Variants in DCHS2 observed in about 807,000 individuals in gnomAD.
DCHS2 encodes dachsous cadherin-related 2, also known as protocadherin-23.
DCHS2 carries 142 observed loss-of-function variants against 182.4 expected under a neutral mutation model. The ratio of observed to expected loss-of-function variants is 0.78; its 90% confidence interval spans 0.68 to 0.89. DCHS2 has a LOEUF of 0.89. DCHS2 is among the 40% of genes least tolerant of loss of function. The pLI is 0.00. For synonymous variants in DCHS2, 1,740 were observed against 1,663.3 expected (o/e 1.05, Z -1.12); for missense variants, 4,319 against 4,198.6 (o/e 1.03, Z -0.79).
intron 18 of DCHS2, 89 bp from the exon 19 acceptor site, chr4:154,239,391 C>G: frequency 6.4e-7 from 1 of 1,557,650 alleles, no homozygotes; most frequent in South Asian, 1.2e-5. Flanking sequence ...TCATTTTATT[C>G]ATTTTGATTA....
rs190191950 is a variant in DCHS2, at chr4:154,337,902, G to A, written c.2477-2798C>T. 1.9e-3 allele frequency among the ~76,000 whole-genome samples: 293 copies of A among 151,994 alleles called. 1 individual carries two copies. The highest frequency in any genetic ancestry group is 6.6e-3 in the African/African-American group (272 of 41,478). The stretch of plus-strand genomic sequence containing the variant: ...ATTACAGGCACGTATCACCATGCCC[G>A]GCTAATTTTTGTATCTTTAGTAGAG... On this transcript the variant is annotated intron_variant, in intron 3 of 19. Transcript: ENST00000357232.
rs202103169 is a variant in DCHS2 at position 154,235,984 on chromosome 4, G to A, written c.8668C>T (p.Pro2890Ser). Reference protein sequence around the residue: ...FTQDQYFFTLPEKNKDRQLIG... With the variant: ...FTQDQYFFTLSEKNKDRQLIG... ...AACTGTCTGTCTTTATTCTTTTCTG[G>A]GAGGGTGAAAAAATACTGATCTTGA... Residue 2890 changes from proline (P) to serine (S), a missense_variant, in exon 20 of 20, where the codon CCA becomes TCA. By Grantham distance (74) the Pro-to-Ser change is moderately conservative. Coordinates refer to ENST00000357232, the MANE Select transcript of DCHS2 (RefSeq NM_001358235.2). 6.2e-7 allele frequency: 1 copy of A among 1,613,946 alleles called. No individual in the cohort carries two copies.
chr4:154,344,526 C>A (rs1729266866), intron 3 of DCHS2, among the ~76,000 whole-genome samples: 1 of 152,142 alleles, frequency 6.6e-6, no homozygotes, highest in Admixed American at 6.6e-5. Flanking sequence ...CTGAAACCGT[C>A]CTAAGAATTT....
At chr4:154,413,214 A>G (rs1290771882) in intron 1 of DCHS2, among the ~76,000 whole-genome samples, 1 of 152,148 alleles carries the variant, frequency 6.6e-6, no homozygotes, top group Non-Finnish European at 1.5e-5. Context: ...TTCCTTTCCA[A>G]CTATTAACAA....
chr4:154,263,818 G>A (rs1414830733), intron 14 of DCHS2, among the ~76,000 whole-genome samples: 1 of 152,116 alleles, frequency 6.6e-6, no homozygotes, highest in African/African-American at 2.4e-5. Flanking sequence ...CAGATGGAAT[G>A]CAGCATCAAA....
intron 1 of DCHS2, among the ~76,000 whole-genome samples, chr4:154,463,153 A>G (rs1735086858): frequency 1.1e-5 from 1 of 90,466 alleles, no homozygotes; most frequent in African/African-American, 3.3e-5. Context: ...GTGTATATAT[A>G]TAAGTGTGTG....
intron 5 of DCHS2, chr4:154,331,710 T>C (rs1168883168): frequency 3.7e-6 from 6 of 1,612,082 alleles, no homozygotes; most frequent in Non-Finnish European, 5.1e-6. Context: ...TGGTGCCTGC[T>C]GGACCTGCAC....
chr4:154,274,737 C>T (rs1484979140), intron 13 of DCHS2, among the ~76,000 whole-genome samples: 2 of 152,102 alleles, frequency 1.3e-5, no homozygotes, highest in African/African-American at 4.8e-5. Flanking sequence ...AGAAAGGACA[C>T]TGACATTTTC....
chr4:154,235,546 A>T lies in DCHS2; in HGVS notation c.9106T>A (p.Leu3036Ile). The T allele has an allele frequency of 6.2e-7, 1 of 1,614,096 alleles. No homozygotes were observed. The highest frequency in any genetic ancestry group is 8.5e-7 in the Non-Finnish European group (1 of 1,179,962). Residue 3036 changes from leucine to isoleucine, a missense_variant, in exon 20 of 20, where the codon TTA becomes ATA. By Grantham distance (5) the Leu-to-Ile change is conservative. Transcript: ENST00000357232. ...NNYEEKKTSS[L>I]DADLRVTRDA... ...CGGGTCACTCTCAAGTCCGCATCTA[A>T]AGATGAGGTTTTCTTCTCCTCATAA...
At chr4:154,404,111 C>T (rs1341830695) in intron 1 of DCHS2, among the ~76,000 whole-genome samples, 1 of 151,962 alleles carries the variant, frequency 6.6e-6, no homozygotes, top group Non-Finnish European at 1.5e-5. Flanking sequence ...CTATTTTCTA[C>T]CTTGCTCTGT....
intron 1 of DCHS2, among the ~76,000 whole-genome samples, chr4:154,463,095 A>G (rs1735080160): frequency 6.6e-6 from 1 of 151,736 alleles, no homozygotes; most frequent in African/African-American, 2.4e-5. Flanking sequence ...AAGTAGGTGT[A>G]TACATATGTA....
At chr4:154,257,164 C>CT (rs1732725618) in intron 15 of DCHS2, among the ~76,000 whole-genome samples, 2 of 152,146 alleles carry the variant, frequency 1.3e-5, no homozygotes, top group Admixed American at 1.3e-4. Flanking sequence ...AGGAGAATTG[C>CT]TTGTACCTGG....
intron 2 of DCHS2, among the ~76,000 whole-genome samples, chr4:154,372,444 C>A (rs1002826231): frequency 1.3e-5 from 2 of 152,144 alleles, no homozygotes; most frequent in African/African-American, 4.8e-5. Flanking sequence ...GAGCTCAGTC[C>A]GTTTACTTCC....
intron 5 of DCHS2, chr4:154,331,797 C>T (rs1736541245): frequency 6.9e-7 from 1 of 1,445,742 alleles, no homozygotes; most frequent in African/African-American, 1.4e-5. Context: ...TTTCAGTTTT[C>T]CCGGGTATGT....
rs1260126318 is a variant in DCHS2 at position 154,265,416 on chromosome 4, TAAGTC to T, written c.6577+4479_6577+4483del. Reference sequence around the variant, plus strand: ...CGTAGCATGATTCTATTATCATACTTAAGTCAAGGTAAAAGTAAATGACATATTGT... The same window carrying T: ...CGTAGCATGATTCTATTATCATACTTAAGGTAAAAGTAAATGACATATTGT... On this transcript the variant is annotated intron_variant, in intron 14 of 19. Coordinates refer to ENST00000357232, the MANE Select transcript of DCHS2 (RefSeq NM_001358235.2). Among the ~76,000 whole-genome samples the T allele has an allele frequency of 5.9e-5, 9 of 152,166 alleles. No homozygotes were observed. In the East Asian group the frequency reaches 1.5e-3, roughly 26 times the overall value.
At position 154,236,982 on chromosome 4, in the gene DCHS2, C is replaced by G. The variant is rs781146709; in HGVS notation, c.7670G>C (p.Ser2557Thr). The change falls in exon 20 of 20, where the codon AGC (serine) becomes ACC (threonine). Residue 2557 changes from serine (S) to threonine (T), a missense_variant. Transcript: ENST00000357232. ...TCCAACCAGAGCATCCTCACTTAGGCTAAGATTATAGGATTTGACTGTGAA... is the reference window on the plus strand; with the variant it reads ...TCCAACCAGAGCATCCTCACTTAGGGTAAGATTATAGGATTTGACTGTGAA... ...PEFTVKSYNL[S>T]LSEDALVGST... 1.2e-6 allele frequency: 2 copies of G among 1,613,996 alleles called. No homozygotes were observed. Among genetic ancestry groups the G allele is most frequent in the South Asian group, 1.1e-5 (1 of 91,074 alleles).
intron 1 of DCHS2, 52 bp downstream of exon 1, chr4:154,489,252 T>A: frequency 7.1e-7 from 1 of 1,401,678 alleles, no homozygotes; most frequent in Non-Finnish European, 9.5e-7. Context: ...CTCACAACCC[T>A]CTCCATCCCT....
intron 18 of DCHS2, among the ~76,000 whole-genome samples, chr4:154,239,509 T>A (rs550982989): frequency 1.3e-5 from 2 of 152,248 alleles, no homozygotes; most frequent in Middle Eastern, 6.8e-3. Context: ...AAAGGTGTTG[T>A]TTTGTTTTGT....
chr4:154,483,381 T>C (rs151213221), intron 1 of DCHS2, among the ~76,000 whole-genome samples: 3 of 151,332 alleles, frequency 2.0e-5, no homozygotes, highest in Admixed American at 6.6e-5. Flanking sequence ...ACATAAGAGG[T>C]AGAGTTGTTC....
Sources: gnomAD v4.1 joint callset for allele counts (sites outside exome capture counted in the v4.1 genomes callset) on GRCh38, gnomAD v4.1.1 for gene constraint, MANE v1.5 for transcripts, NCBI Gene and HGNC (gene_info 2026-07-23, HGNC 2026-07-21) for gene names.